Variants in HDGF observed in about 807,000 individuals in gnomAD.
The protein encoded by HDGF is heparin binding growth factor.
In HDGF, 5 loss-of-function variants were observed where a neutral mutation model predicts 30.0. The observed-to-expected ratio is 0.17, with a 90% CI of 0.09 to 0.35. The LOEUF (loss-of-function observed/expected upper bound fraction) is 0.35. HDGF is among the 10% of genes least tolerant of loss of function. The pLI, the probability that HDGF is intolerant of heterozygous loss-of-function variation, is 1.00. For synonymous variants in HDGF, 133 were observed against 112.7 expected, an observed-to-expected ratio of 1.18 and a Z score of -1.14; for missense variants, 214 against 302.8, an observed-to-expected ratio of 0.71 and a Z score of 2.18.
upstream of HDGF, among the ~76,000 whole-genome samples, chr1:156,756,942 G>A (rs374191908): frequency 3.0e-4 from 46 of 151,650 alleles, 4 homozygotes; most frequent in Admixed American, 2.4e-3. Context: ...ACAGTTGTAC[G>A]CCACCACGCC....
intron 5 of HDGF, 75 bp downstream of exon 5, chr1:156,743,577 C>A (rs1558030585): frequency 6.4e-7 from 1 of 1,551,124 alleles, no homozygotes; most frequent in Non-Finnish European, 8.9e-7. Context: ...CCACTGCAGG[C>A]CCTTTTCATC....
At chr1:156,749,528 AC>A (rs925452552) in intron 1 of HDGF, among the ~76,000 whole-genome samples, 5 of 152,126 alleles carry the variant, frequency 3.3e-5, no homozygotes, top group Admixed American at 6.5e-5. Context: ...TGATCTCCCT[AC>A]CCCAGTTCTA....
intron 1 of HDGF, among the ~76,000 whole-genome samples, chr1:156,764,912 G>A (rs1424906182): frequency 6.6e-6 from 1 of 151,244 alleles, no homozygotes; most frequent in Non-Finnish European, 1.5e-5. Flanking sequence ...GAAGAAGAAA[G>A]AAAACATTTG....
chr1:156,756,135 C>G (rs982693444), upstream of HDGF, among the ~76,000 whole-genome samples: 43 of 152,080 alleles, frequency 2.8e-4, no homozygotes, highest in African/African-American at 1.0e-3. Context: ...CCCTGTAATC[C>G]CAGCTACTCA....
chr1:156,747,114 G>T (rs1175108781), intron 1 of HDGF, among the ~76,000 whole-genome samples: 1 of 151,530 alleles, frequency 6.6e-6, no homozygotes, highest in Non-Finnish European at 1.5e-5. Context: ...ACCAGGAGAC[G>T]CTGGGTGTGA....
chr1:156,752,007 C>G (rs1291218187), upstream of HDGF: 1 of 1,545,364 alleles, frequency 6.5e-7, no homozygotes, highest in African/African-American at 1.4e-5. Context: ...GAGCGGCCCC[C>G]GCCCTTCCCC....
In HDGF at chr1:156,751,283, C is replaced by T. The variant is rs1650961588; in HGVS notation, c.87+60G>A. The T allele has an allele frequency of 1.9e-6, 3 of 1,571,812 alleles. No homozygotes were observed. Among genetic ancestry groups the T allele is most frequent in the Non-Finnish European group, 2.6e-6 (3 of 1,157,246 alleles). ...CTCCGCGCGGAGCGCTCGTGCCCTT[C>T]CCGGTGTTATGCAACCCAAGCCCGC... On this transcript the variant is annotated intron_variant, in intron 1 of 5. Transcript: ENST00000357325. The surrounding 1 kb of genome is among the most constrained non-coding windows in gnomAD (Gnocchi z 4.7).
In HDGF at chr1:156,758,251, T is replaced by C. The variant is rs985268100; in HGVS notation, n.373+732A>G. ...AAGCAGAGGTTGCAGTGAGCCGAGA[T>C]TGCGCCACTGCACTCCAGCCTGGGC... On this transcript the variant is annotated intron_variant and non_coding_transcript_variant, in intron 2 of 7. Coordinates refer to the HDGF transcript ENST00000465180. Among the ~76,000 whole-genome samples, 51 of 150,482 alleles carry C rather than the reference T, an allele frequency of 3.4e-4. 2 individuals are homozygous for C. Among genetic ancestry groups the C allele is most frequent in the Admixed American group, 1.3e-3 (20 of 14,992 alleles).
chr1:156,744,273 C>T lies in HDGF; in HGVS notation c.379G>A (p.Gly127Arg), dbSNP rs1265218607. 9.3e-6 allele frequency: 15 copies of T among 1,614,140 alleles called. No homozygotes were observed. In the East Asian group the frequency reaches 3.3e-4, roughly 36 times the overall value. Residue 127 changes from glycine (G) to arginine (R), a missense_variant, in exon 4 of 6, where the codon GGG becomes AGG. Coordinates refer to ENST00000357325, the MANE Select transcript of HDGF (RefSeq NM_004494.3). ...TCGTCGCTGCTGCCCTCTGCATTCC[C>T]CTTCTTATCACCGTCACCCTCTGCA... ...EAAEGDGDKK[G>R]NAEGSSDEEG...
chr1:156,746,650 G>A (rs1054583182), intron 1 of HDGF, among the ~76,000 whole-genome samples: 1 of 152,040 alleles, frequency 6.6e-6, no homozygotes, highest in African/African-American at 2.4e-5. Context: ...CAGTGGCCTC[G>A]CCAGCCTCTC....
chr1:156,752,181 C>T (rs1458464193), upstream of HDGF: 1 of 1,551,564 alleles, frequency 6.4e-7, no homozygotes, highest in East Asian at 2.4e-5. Flanking sequence ...GAGTGGGCGC[C>T]GTGCCGCTCC....
At chr1:156,762,596 C>T (rs1032727254) in intron 1 of HDGF, among the ~76,000 whole-genome samples, 1 of 152,046 alleles carries the variant, frequency 6.6e-6, no homozygotes, top group African/African-American at 2.4e-5. Flanking sequence ...CATGGCCAGG[C>T]GCGGTGGCTC....
upstream of HDGF, among the ~76,000 whole-genome samples, chr1:156,753,998 C>G (rs1174802323): frequency 1.3e-5 from 2 of 151,920 alleles, no homozygotes; most frequent in Non-Finnish European, 2.9e-5. Context: ...TCACTGCAAC[C>G]TCCGCCTCCC....
At chr1:156,759,795 A>G (rs892609403) in intron 1 of HDGF, among the ~76,000 whole-genome samples, 22 of 152,170 alleles carry the variant, frequency 1.4e-4, no homozygotes, top group African/African-American at 4.8e-4. Context: ...ATTCATTTTA[A>G]TGGTAATAGT....
chr1:156,762,810 T>G (rs1421444581), intron 1 of HDGF, among the ~76,000 whole-genome samples: 28 of 151,482 alleles, frequency 1.8e-4, no homozygotes, highest in Admixed American at 1.6e-3. Context: ...AGGCGGAGGT[T>G]GTGGTGAGCC....
Position 156,742,115 on chromosome 1 carries a change from T to C in HDGF, c.*1334A>G, listed in dbSNP as rs1309876460. 1 of 152,650 alleles carries C rather than the reference T, an allele frequency of 6.6e-6. No individual in the cohort carries two copies. The highest frequency in any genetic ancestry group is 1.5e-5 in the Non-Finnish European group (1 of 68,052). 9.5% of individuals were successfully genotyped at this position (152,650 alleles called of 1,614,324 possible). A position where few individuals can be genotyped will look rare whatever the true frequency, so the allele number is the denominator to read the frequency against. ...AATCAGTCAGAATCCAATATAGTAA[T>C]CAACGGGTTTTATTTTCCTAGAACT... On this transcript the variant is annotated 3_prime_UTR_variant, in exon 6 of 6. Transcript: ENST00000357325.
In HDGF at chr1:156,743,530, C is replaced by T; in HGVS notation, c.717-75G>A. On this transcript the variant is annotated intron_variant, in intron 5 of 5. Transcript: ENST00000357325. ...TGGCCTTGCCCCAGCCAGTGCCGGT[C>T]TCCTAGGAGAGCCCACCCTGCCTCC... 7 of 1,586,882 alleles carry T rather than the reference C, an allele frequency of 4.4e-6. No homozygotes were observed. The South Asian group carries it at 5.6e-5, about 13-fold the overall frequency.
chr1:156,749,763 G>A (rs1014837012), intron 1 of HDGF, among the ~76,000 whole-genome samples: 4 of 149,036 alleles, frequency 2.7e-5, no homozygotes, highest in African/African-American at 7.5e-5. Flanking sequence ...GATGCAGAAG[G>A]GGTTCCCTGC....
chr1:156,751,474 G>T lies in HDGF; in HGVS notation c.-45C>A. 1 of 1,435,266 alleles carries T rather than the reference G, an allele frequency of 7.0e-7. No individual in the cohort carries two copies. The highest frequency in any genetic ancestry group is 1.3e-5 in the South Asian group (1 of 74,078). The allele number at this position is 1,435,266 out of a possible 1,614,324, so 88.9% of individuals were successfully genotyped here. ...CGGGCTCCGCGCCGGGCCGGGAAGC[G>T]CGAGCCCAAGTTTGCGCGTGCGGCG... On this transcript the variant is annotated 5_prime_UTR_variant, in exon 1 of 6. Transcript: ENST00000357325. The surrounding 1 kb of genome is among the most constrained non-coding windows in gnomAD (Gnocchi z 4.7).
Sources: gnomAD v4.1 joint callset for allele counts (sites outside exome capture counted in the v4.1 genomes callset) on GRCh38, gnomAD v4.1.1 for gene constraint, Gnocchi (gnomAD v3.1) non-coding constraint, MANE v1.5 for transcripts, NCBI Gene and HGNC (gene_info 2026-07-23, HGNC 2026-07-21) for gene names.